The following DNAJB14 variants were observed in gnomAD, a reference collection of about 807,000 sequenced individuals.
DNAJB14 encodes the protein dnaJ homolog subfamily B member 14.
Under a neutral mutation model 48.4 loss-of-function variants are expected in DNAJB14, and 22 were observed. The observed-to-expected ratio is 0.45, with a 90% CI of 0.32 to 0.65. The LOEUF (loss-of-function observed/expected upper bound fraction) is 0.65. DNAJB14 is among the 30% of genes least tolerant of loss of function. The pLI, the probability that DNAJB14 is intolerant of heterozygous loss-of-function variation, is 0.03. For missense variants in DNAJB14, 319 were observed against 458.8 expected (o/e 0.70, Z 2.78); for synonymous variants, 142 against 158.7 (o/e 0.89, Z 0.79).
chr4:99,905,554 T>G, intron 6 of DNAJB14, 43 bp downstream of exon 6: 1 of 1,496,970 alleles, frequency 6.7e-7, no homozygotes, highest in South Asian at 1.2e-5. Flanking sequence ...AGGTCAGAAA[T>G]AGCAACAATT....
intron 1 of DNAJB14, among the ~76,000 whole-genome samples, chr4:99,937,241 T>C (rs1726711676): frequency 6.6e-6 from 1 of 150,566 alleles, no homozygotes; most frequent in Admixed American, 6.6e-5. Flanking sequence ...GGTGTGAACC[T>C]GGGAGGTGGA....
chr4:99,905,571 T>C (rs1725433010), intron 6 of DNAJB14, 26 bp downstream of exon 6: 2 of 1,565,022 alleles, frequency 1.3e-6, no homozygotes, highest in Non-Finnish European at 8.8e-7. Context: ...AATTCATTTT[T>C]TGTAAAACTT....
chr4:99,946,514 T>G lies in DNAJB14; in HGVS notation c.58A>C (p.Asn20His). The change falls in exon 1 of 8, where the codon AAC (asparagine) becomes CAC (histidine). Residue 20 changes from asparagine (N) to histidine (H), a missense_variant. Asn to His is a moderately conservative substitution (Grantham distance 68). Coordinates refer to ENST00000442697, the MANE Select transcript of DNAJB14 (RefSeq NM_001031723.4). Reference sequence around the variant, plus strand: ...TGGGCCTTCTCGCGGTTGCCGGCGTTCAGGGCCTCCCGGGCGATCTCGACA... The same window carrying G: ...TGGGCCTTCTCGCGGTTGCCGGCGTGCAGGGCCTCCCGGGCGATCTCGACA... ...KCVEIAREAL[N>H]AGNREKAQRF... The G allele has an allele frequency of 6.2e-7, 1 of 1,613,814 alleles. No individual in the cohort carries two copies. Among genetic ancestry groups the G allele is most frequent in the Non-Finnish European group, 8.5e-7 (1 of 1,179,794 alleles).
Position 99,898,214 on chromosome 4 carries a change from C to A in DNAJB14, c.*2814G>T, listed in dbSNP as rs1302722799. On this transcript the variant is annotated 3_prime_UTR_variant, in exon 8 of 8. Coordinates refer to ENST00000442697, the MANE Select transcript of DNAJB14 (RefSeq NM_001031723.4). Reference sequence around the variant, plus strand: ...GTTCCTATGAACACCTGAGCTGGCACAAAAGCTGAGTAGTTTAATGCATTG... The same window carrying A: ...GTTCCTATGAACACCTGAGCTGGCAAAAAAGCTGAGTAGTTTAATGCATTG... 1.3e-5 allele frequency: 2 copies of A among 151,954 alleles called. No homozygotes were observed. Among genetic ancestry groups the A allele is most frequent in the Non-Finnish European group, 2.9e-5 (2 of 67,860 alleles). 9.4% of individuals were successfully genotyped at this position (151,954 alleles called of 1,614,324 possible).
chr4:99,938,155 A>C (rs1363338280), intron 1 of DNAJB14, among the ~76,000 whole-genome samples: 1 of 148,432 alleles, frequency 6.7e-6, no homozygotes, highest in Non-Finnish European at 1.5e-5. Context: ...GCATGCCTGT[A>C]ATCCCAGCTA....
chr4:99,914,929 T>C (rs1329209573), intron 3 of DNAJB14, among the ~76,000 whole-genome samples: 1 of 152,216 alleles, frequency 6.6e-6, no homozygotes, highest in African/African-American at 2.4e-5. Flanking sequence ...GGTCAGTCTT[T>C]CAATTTTATT....
chr4:99,911,425 G>A (rs1486210451), intron 3 of DNAJB14, among the ~76,000 whole-genome samples: 1 of 152,102 alleles, frequency 6.6e-6, no homozygotes, highest in Non-Finnish European at 1.5e-5. Flanking sequence ...GTGCATTGCT[G>A]GGTTGTATAG....
At chr4:99,940,371 T>C (rs888697208) in intron 1 of DNAJB14, among the ~76,000 whole-genome samples, 1 of 152,092 alleles carries the variant, frequency 6.6e-6, no homozygotes, top group Non-Finnish European at 1.5e-5. Flanking sequence ...GGCAGGTGGA[T>C]CACTTGAGGT....
In DNAJB14 at chr4:99,930,481, A is replaced by C; in HGVS notation, c.274T>G (p.Tyr92Asp). The change falls in exon 2 of 8, where the codon TAT becomes GAT. Residue 92 changes from tyrosine to aspartate, a missense_variant. By Grantham distance (160) the Tyr-to-Asp change is radical (BLOSUM62 -3). Transcript: ENST00000442697. ...ACTCCATCTACTTGGTCTTTGGTATAGCCTTTTCCACCTTCACCACTACCA... is the reference window on the plus strand; with the variant it reads ...ACTCCATCTACTTGGTCTTTGGTATCGCCTTTTCCACCTTCACCACTACCA... ...TSGSGEGGKG[Y>D]TKDQVDGVLS... The C allele has an allele frequency of 6.2e-7, 1 of 1,607,546 alleles. No homozygotes were observed. The highest frequency in any genetic ancestry group is 8.5e-7 in the Non-Finnish European group (1 of 1,176,766).
chr4:99,937,354 A>C (rs1397033360), intron 1 of DNAJB14, among the ~76,000 whole-genome samples: 2 of 152,120 alleles, frequency 1.3e-5, no homozygotes, highest in African/African-American at 4.8e-5. Context: ...AGCAATCACT[A>C]ACTTAACTAA....
At chr4:99,908,979 GAA>G (rs1306350897) in intron 3 of DNAJB14, 83 bp from the exon 4 acceptor site, 3 of 998,256 alleles carry the variant, frequency 3.0e-6, no homozygotes. Flanking sequence ...ACATCATGCT[GAA>G]AAAAAGACTA....
intron 3 of DNAJB14, among the ~76,000 whole-genome samples, chr4:99,916,901 G>T (rs991089971): frequency 2.0e-5 from 3 of 152,160 alleles, no homozygotes; most frequent in Non-Finnish European, 2.9e-5. Flanking sequence ...TTGGGAGGCT[G>T]AGGCGGATGG....
At chr4:99,930,327 C>A in intron 2 of DNAJB14, 123 bp downstream of exon 2, 2 of 953,634 alleles carry the variant, frequency 2.1e-6, no homozygotes, top group Non-Finnish European at 1.5e-6. Flanking sequence ...TAAGACACAC[C>A]CAGAGTTCAA....
chr4:99,924,505 T>G (rs947078866), intron 2 of DNAJB14: 1 of 311,634 alleles, frequency 3.2e-6, no homozygotes, highest in African/African-American at 2.2e-5. Flanking sequence ...AAATTAAAAT[T>G]GGATTTTTCT....
chr4:99,902,614 G>A lies in DNAJB14; in HGVS notation c.1015+1112C>T, dbSNP rs1280361121. Among the ~76,000 whole-genome samples, 3 of 151,008 alleles carry A rather than the reference G, an allele frequency of 2.0e-5. No homozygotes were observed. In the Admixed American group the frequency reaches 2.0e-4, roughly 10 times the overall value. On this transcript the variant is annotated intron_variant, in intron 7 of 7. Transcript: ENST00000442697. Reference sequence around the variant, plus strand: ...ATTTTATCAACTTTTCCCTAGCAAGGGGGAGATGATGATAATTGCTGACAT... The same window carrying A: ...ATTTTATCAACTTTTCCCTAGCAAGAGGGAGATGATGATAATTGCTGACAT...
At chr4:99,927,629 CAAAAA>C (rs950829720) in intron 2 of DNAJB14, 4 of 151,784 alleles carry the variant, frequency 2.6e-5, no homozygotes, top group Middle Eastern at 3.4e-3. Flanking sequence ...CACTTCAACT[CAAAAA>C]AAACAAATCG....
chr4:99,934,979 A>G (rs1024076820), intron 1 of DNAJB14, among the ~76,000 whole-genome samples: 12 of 151,720 alleles, frequency 7.9e-5, no homozygotes, highest in Non-Finnish European at 1.3e-4. Flanking sequence ...CCAGAAGGAA[A>G]TTTAAAACAT....
At chr4:99,906,216 AG>A in intron 5 of DNAJB14, 1 of 1,358,826 alleles carries the variant, frequency 7.4e-7, no homozygotes, top group Non-Finnish European at 9.6e-7. Context: ...CAAGTTTTTC[AG>A]TACTCTAAAT....
At position 99,896,925 on chromosome 4, in the gene DNAJB14, T is replaced by C. The variant is rs1725158450; in HGVS notation, c.*4103A>G. 1 of 152,098 alleles carries C rather than the reference T, an allele frequency of 6.6e-6. No homozygotes were observed. The highest frequency in any genetic ancestry group is 6.6e-5 in the Admixed American group (1 of 15,262). 9.4% of individuals were successfully genotyped at this position (152,098 alleles called of 1,614,324 possible). A position where few individuals can be genotyped will look rare whatever the true frequency, so the allele number is the denominator to read the frequency against. Reference sequence around the variant, plus strand: ...TTTACTAACTTACTAAACAAGGACATTTCAAGAAATACTTCTTACCCCTAT... The same window carrying C: ...TTTACTAACTTACTAAACAAGGACACTTCAAGAAATACTTCTTACCCCTAT... On this transcript the variant is annotated 3_prime_UTR_variant, in exon 8 of 8. Transcript: ENST00000442697.
Sources: gnomAD v4.1 joint callset for allele counts (sites outside exome capture counted in the v4.1 genomes callset) on GRCh38, gnomAD v4.1.1 for gene constraint, MANE v1.5 for transcripts, NCBI Gene and HGNC (gene_info 2026-07-23, HGNC 2026-07-21) for gene names.